DEPDC7: variants seen among roughly 807,000 people sequenced by gnomAD.
The protein encoded by DEPDC7 is DEP domain-containing protein 7.
Under a neutral mutation model 56.6 loss-of-function variants are expected in DEPDC7, and 41 were observed. That is an observed-to-expected ratio of 0.72 (90% CI 0.56 to 0.94). The LOEUF (loss-of-function observed/expected upper bound fraction) is 0.94. Ranked by LOEUF, DEPDC7 falls within the 40% of genes least tolerant of loss-of-function variation. DEPDC7 has a pLI of 0.00. For synonymous variants in DEPDC7, 185 were observed against 208.8 expected (o/e 0.89, Z 0.98); for missense variants, 522 against 596.3 (o/e 0.88, Z 1.30).
At chr11:33,022,327 T>C (rs1853531892) in intron 1 of DEPDC7, among the ~76,000 whole-genome samples, 1 of 152,242 alleles carries the variant, frequency 6.6e-6, no homozygotes, top group African/African-American at 2.4e-5. Context: ...AATCCAAGTT[T>C]CCAGTGAAAG....
intron 4 of DEPDC7, among the ~76,000 whole-genome samples, chr11:33,030,323 TATC>T (rs1417202712): frequency 6.6e-6 from 1 of 152,190 alleles, no homozygotes; most frequent in Non-Finnish European, 1.5e-5. Context: ...AAGATCATCT[TATC>T]ATATAAAGTT....
chr11:33,025,360 C>T (rs945817357), intron 1 of DEPDC7, among the ~76,000 whole-genome samples: 3 of 152,180 alleles, frequency 2.0e-5, no homozygotes, highest in African/African-American at 7.2e-5. Flanking sequence ...TTTTTCTTCT[C>T]AGCATTGATC....
intron 1 of DEPDC7, among the ~76,000 whole-genome samples, chr11:33,018,050 A>G (rs927542595): frequency 6.6e-6 from 1 of 152,200 alleles, no homozygotes; most frequent in Non-Finnish European, 1.5e-5. Flanking sequence ...TCTCGTAGAT[A>G]TTGTAAATTT....
rs1304839355 is a variant in DEPDC7, at chr11:33,031,391, C to T, written c.796C>T (p.Leu266Phe). ...AYSDSQEDEW[L>F]SAAIDCLEYL... ...TCTCCCCTATAGGGAAGATGAGTGG[C>T]TCTCGGCAGCAATTGACTGTTTAGA... is the stretch of plus-strand genomic sequence containing the variant. Residue 266 changes from leucine (L) to phenylalanine (F), a missense_variant, in exon 5 of 9, where the codon CTC becomes TTC. Leu to Phe is a conservative substitution (Grantham distance 22). Coordinates refer to ENST00000241051, the MANE Select transcript of DEPDC7 (RefSeq NM_001077242.2). 1 of 1,613,994 alleles carries T rather than the reference C, an allele frequency of 6.2e-7. No homozygotes were observed. The highest frequency in any genetic ancestry group is 1.7e-5 in the Admixed American group (1 of 60,010).
intron 1 of DEPDC7, among the ~76,000 whole-genome samples, chr11:33,024,479 A>G (rs918748808): frequency 6.6e-6 from 1 of 151,552 alleles, no homozygotes; most frequent in Non-Finnish European, 1.5e-5. Flanking sequence ...AATGACGGGG[A>G]TATGTTCTGA....
intron 1 of DEPDC7, 142 bp from the exon 2 acceptor site, chr11:33,025,517 G>T: frequency 2.6e-6 from 2 of 757,266 alleles, no homozygotes; most frequent in South Asian, 3.9e-5. Flanking sequence ...TATTAAAACA[G>T]TATTTCAGTA....
At chr11:33,024,662 A>G (rs1312619681) in intron 1 of DEPDC7, among the ~76,000 whole-genome samples, 2 of 152,214 alleles carry the variant, frequency 1.3e-5, no homozygotes, top group Non-Finnish European at 2.9e-5. Flanking sequence ...TAACACAATG[A>G]TAAGTACTTG....
chr11:33,016,116 C>T (rs1456831820), intron 1 of DEPDC7, 88 bp downstream of exon 1: 1 of 1,249,648 alleles, frequency 8.0e-7, no homozygotes, highest in African/African-American at 1.6e-5. Flanking sequence ...CGGCGTGGGG[C>T]GTTCGGCCGC....
chr11:33,016,512 T>G, intron 1 of DEPDC7: 1 of 1,613,746 alleles, frequency 6.2e-7, no homozygotes, highest in South Asian at 1.1e-5. Flanking sequence ...AAGAGTCAGC[T>G]TGTCTCCCCA....
chr11:33,031,636 C>T (rs781530545), intron 5 of DEPDC7, 47 bp downstream of exon 5: 1 of 1,504,486 alleles, frequency 6.6e-7, no homozygotes, highest in Non-Finnish European at 9.2e-7. Flanking sequence ...TTGGAGGAAA[C>T]AAGAAAAAGT....
rs777464057 is a variant in DEPDC7 at position 33,032,747 on chromosome 11, A to G, written c.1217A>G (p.Asp406Gly). Residue 406 changes from aspartate (D) to glycine (G), a missense_variant, in exon 7 of 9, where the codon GAT becomes GGT. Transcript: ENST00000241051. ...DNKNLSKGKT[D>G]LLVLFLMDHQ... is the part of the protein sequence containing the mutation. ...AAAAATTTATCCAAAGGCAAAACAG[A>G]TCTTCTGGTACTCTTTTTAATGGAT... 1 of 1,608,064 alleles carries G rather than the reference A, an allele frequency of 6.2e-7. No homozygotes were observed. Among genetic ancestry groups the G allele is most frequent in the Non-Finnish European group, 8.5e-7 (1 of 1,177,870 alleles).
chr11:33,016,263 T>G, intron 1 of DEPDC7: 1 of 1,359,340 alleles, frequency 7.4e-7, no homozygotes, highest in Non-Finnish European at 9.4e-7. Flanking sequence ...ACAGCCCAGC[T>G]TTTTTCTTTC....
At chr11:33,023,086 G>A (rs547899939) in intron 1 of DEPDC7, among the ~76,000 whole-genome samples, 67 of 151,956 alleles carry the variant, frequency 4.4e-4, no homozygotes, top group African/African-American at 1.0e-3. Flanking sequence ...AAAATTAGCC[G>A]GGCGTGGTGG....
rs368794067 is a variant in DEPDC7 at position 33,025,691 on chromosome 11, A to G, written c.106A>G (p.Thr36Ala). 1.8e-5 allele frequency: 29 copies of G among 1,609,198 alleles called. No homozygotes were observed. In the African/African-American group the frequency reaches 3.6e-4, roughly 20 times the overall value. Residue 36 changes from threonine to alanine, a missense_variant, in exon 2 of 9, where the codon ACG (threonine) becomes GCG (alanine). Transcript: ENST00000241051. ...TGTAGCTCAGAAGCCATTTGGAGCC[A>G]CGTATGTATGGAGCAGCATCATAAA... is the stretch of plus-strand genomic sequence containing the variant. ...FSVAQKPFGA[T>A]YVWSSIINTL...
chr11:33,016,388 C>G, intron 1 of DEPDC7: 3 of 1,473,858 alleles, frequency 2.0e-6, no homozygotes, highest in Non-Finnish European at 1.8e-6. Context: ...AGTGTGGTAT[C>G]TGGAATTTGT....
chr11:33,031,825 C>T (rs902592826), intron 5 of DEPDC7, among the ~76,000 whole-genome samples: 5 of 152,162 alleles, frequency 3.3e-5, no homozygotes, highest in Admixed American at 3.3e-4. Flanking sequence ...TCTCATTCAC[C>T]GGAAGCTTAA....
intron 4 of DEPDC7, among the ~76,000 whole-genome samples, chr11:33,030,202 T>C (rs11032102): frequency 0.37 from 56,213 of 152,102 alleles, 10,496 homozygotes; most frequent in Middle Eastern, 0.42. Flanking sequence ...TTGTGATCTG[T>C]CCACCTTGGC....
chr11:33,021,699 A>G (rs1853525969), intron 1 of DEPDC7, among the ~76,000 whole-genome samples: 1 of 152,086 alleles, frequency 6.6e-6, no homozygotes, highest in Non-Finnish European at 1.5e-5. Flanking sequence ...CCAGGATGCA[A>G]TGGTTGGGAA....
Position 33,025,835 on chromosome 11 carries a change from TA to T in DEPDC7, c.251del (p.Tyr84PhefsTer5), listed in dbSNP as rs753468814. On this transcript the variant is annotated frameshift_variant, in exon 2 of 9. Transcript: ENST00000241051. LOFTEE classifies it high-confidence loss of function. ...TTTTTCTCACCTAATTCAGAATAAG[TA>T]TTTTGGTGATGTAGATATTCCTCGA... is the stretch of plus-strand genomic sequence containing the variant. ...VIFSHLIQNK[Y>X]FGDVDIPRAK... 1 of 1,614,182 alleles carries T rather than the reference TA, an allele frequency of 6.2e-7. No individual in the cohort carries two copies.
Sources: gnomAD v4.1 joint callset for allele counts (sites outside exome capture counted in the v4.1 genomes callset) on GRCh38, gnomAD v4.1.1 for gene constraint, MANE v1.5 for transcripts, NCBI Gene and HGNC (gene_info 2026-07-23, HGNC 2026-07-21) for gene names.